SLC7A10: variants seen among roughly 807,000 people sequenced by gnomAD.
The protein encoded by SLC7A10 is asc-type amino acid transporter 1.
SLC7A10 carries 30 observed loss-of-function variants against 52.7 expected under a neutral mutation model. The observed-to-expected ratio is 0.57, with a 90% CI of 0.43 to 0.77. The LOEUF is 0.77. Among genes scored for constraint, SLC7A10 ranks in the 30% least tolerant of loss-of-function variants. SLC7A10 has a pLI of 0.00. For missense variants in SLC7A10, 581 were observed against 698.5 expected (o/e 0.83, Z 1.90); for synonymous variants, 318 against 314.9 (o/e 1.01, Z -0.10).
intron 7 of SLC7A10, 116 bp downstream of exon 7, chr19:33,211,109 G>C: frequency 9.2e-7 from 1 of 1,092,232 alleles, no homozygotes. Flanking sequence ...CATCATCCCA[G>C]CTTCAGGCAG....
In SLC7A10 at chr19:33,210,827, G is replaced by T. The variant is rs1306652828; in HGVS notation, c.1088C>A (p.Thr363Asn). The T allele has an allele frequency of 2.5e-6, 4 of 1,613,484 alleles. No individual in the cohort carries two copies. Among genetic ancestry groups the T allele is most frequent in the African/African-American group, 2.7e-5 (2 of 74,938 alleles). Residue 363 changes from threonine (T) to asparagine (N), a missense_variant, in exon 8 of 11, where the codon ACC becomes AAC. Coordinates refer to ENST00000253188, the MANE Select transcript of SLC7A10 (RefSeq NM_019849.3). The surrounding 1 kb of genome is among the most constrained non-coding windows in gnomAD (Gnocchi z 5.6). ...ACAGACGAGGAGGGCGGGGATGGGG[G>T]TGCAGTGTCTGACGTGGATCATGGC... The part of the protein sequence containing the change: ...LLAMIHVRHC[T>N]PIPALLVCCG...
chr19:33,215,449 G>C (rs1261486262), intron 2 of SLC7A10, among the ~76,000 whole-genome samples: 1 of 152,030 alleles, frequency 6.6e-6, no homozygotes, highest in African/African-American at 2.4e-5. Flanking sequence ...CAAGGCAGGG[G>C]GTGGGGTTCA....
At chr19:33,214,254 C>T (rs894474245) in intron 2 of SLC7A10, among the ~76,000 whole-genome samples, 1 of 152,152 alleles carries the variant, frequency 6.6e-6, no homozygotes, top group African/African-American at 2.4e-5. Flanking sequence ...TGGCACGTCT[C>T]CCCATCCAAG....
intron 1 of SLC7A10, among the ~76,000 whole-genome samples, chr19:33,218,276 T>C (rs1432312017): frequency 6.6e-6 from 1 of 152,148 alleles, no homozygotes; most frequent in Non-Finnish European, 1.5e-5. Flanking sequence ...GCCCAGTGGC[T>C]GAAGACTCAG....
At chr19:33,217,639 G>T (rs1974717889) in intron 1 of SLC7A10, among the ~76,000 whole-genome samples, 1 of 152,222 alleles carries the variant, frequency 6.6e-6, no homozygotes, top group Non-Finnish European at 1.5e-5. Context: ...GAGAGGACGG[G>T]TCCATCTCCC....
At chr19:33,217,638 G>A (rs1974717800) in intron 1 of SLC7A10, among the ~76,000 whole-genome samples, 1 of 152,218 alleles carries the variant, frequency 6.6e-6, no homozygotes, top group Non-Finnish European at 1.5e-5. Flanking sequence ...TGAGAGGACG[G>A]GTCCATCTCC....
chr19:33,209,902 C>T (rs1007809321), intron 9 of SLC7A10, among the ~76,000 whole-genome samples: 55 of 151,996 alleles, frequency 3.6e-4, no homozygotes, highest in Admixed American at 8.5e-4. Context: ...ATCCTGGCAG[C>T]CTTTGTGACC....
In SLC7A10 at chr19:33,215,829, G is replaced by A. The variant is rs78373322; in HGVS notation, c.296C>T (p.Ala99Val). 1.9e-6 allele frequency: 3 copies of A among 1,586,980 alleles called. No homozygotes were observed. The highest frequency in any genetic ancestry group is 4.6e-5 in the East Asian group (2 of 43,292). ...GSLCYAELGVAIPKSGGDYAY... is the reference protein window; with the variant it reads ...GSLCYAELGVVIPKSGGDYAY... ...GTAGTCCCCGCCAGACTTGGGGATG[G>A]CGACTCCCAGCTCTGCATAGCAGAG... The change falls in exon 2 of 11, where the codon GCC (alanine) becomes GTC (valine). Residue 99 changes from alanine to valine, a missense_variant. By Grantham distance (64) the Ala-to-Val change is moderately conservative (BLOSUM62 0). Coordinates refer to ENST00000253188, the MANE Select transcript of SLC7A10 (RefSeq NM_019849.3).
At position 33,213,949 on chromosome 19, in the gene SLC7A10, G is replaced by C. The variant is rs114083512; in HGVS notation, c.357-947C>G. Among the ~76,000 whole-genome samples, 1,078 of 152,170 alleles carry C rather than the reference G, an allele frequency of 7.1e-3. 11 individuals are homozygous for C. Among genetic ancestry groups the C allele is most frequent in the African/African-American group, 0.025 (1,029 of 41,526 alleles). ...TGGCCAGCCCTCCAGGGAGAGGACTGCCTCATCGGGGACATCAGCCATCTC... is the reference window on the plus strand; with the variant it reads ...TGGCCAGCCCTCCAGGGAGAGGACTCCCTCATCGGGGACATCAGCCATCTC... On this transcript the variant is annotated intron_variant, in intron 2 of 10. Transcript: ENST00000253188.
chr19:33,223,654 C>A (rs556772626), intron 1 of SLC7A10, among the ~76,000 whole-genome samples: 1 of 152,094 alleles, frequency 6.6e-6, no homozygotes, highest in Non-Finnish European at 1.5e-5. Context: ...CAAAGGCTCC[C>A]CGGGCCAGGC....
intron 7 of SLC7A10, 39 bp downstream of exon 7, chr19:33,211,186 C>A: frequency 1.3e-6 from 2 of 1,589,988 alleles, no homozygotes; most frequent in Non-Finnish European, 1.7e-6. Flanking sequence ...TGCACCCCAG[C>A]CTTCCCTCCC....
chr19:33,216,272 C>A (rs943188788), intron 1 of SLC7A10, among the ~76,000 whole-genome samples: 4 of 152,214 alleles, frequency 2.6e-5, no homozygotes, highest in Admixed American at 1.3e-4. Context: ...CCCTCCATTG[C>A]CCCCGTGAGG....
chr19:33,219,325 C>T (rs1974764600), intron 1 of SLC7A10, among the ~76,000 whole-genome samples: 1 of 152,228 alleles, frequency 6.6e-6, no homozygotes, highest in Admixed American at 6.5e-5. Context: ...GAAGAAAGGG[C>T]CATTGTTCCC....
Position 33,212,273 on chromosome 19 carries a change from A to T in SLC7A10, c.788+19T>A, listed in dbSNP as rs747728449. On this transcript the variant is annotated intron_variant, in intron 5 of 10. Coordinates refer to ENST00000253188, the MANE Select transcript of SLC7A10 (RefSeq NM_019849.3). ...AGGGCCTGGCTGCTTCCCAGGGCCC[A>T]GTTGGGGGCCCCACTCACTTTCGGG... 1.0e-5 allele frequency: 16 copies of T among 1,588,296 alleles called. No homozygotes were observed. The highest frequency in any genetic ancestry group is 2.7e-5 in the African/African-American group (2 of 74,318).
intron 1 of SLC7A10, among the ~76,000 whole-genome samples, chr19:33,222,445 TAAATAAAATAAAATAAAATAAATA>T (rs1243695777): frequency 9.3e-5 from 8 of 85,950 alleles, no homozygotes; most frequent in African/African-American, 2.9e-4. Context: ...TAAAATAAAA[TAAATAAAATAAAATAAAATAAATA>T]AAATAAAATA....
intron 1 of SLC7A10, among the ~76,000 whole-genome samples, chr19:33,224,429 C>T (rs961249651): frequency 5.3e-5 from 8 of 152,032 alleles, no homozygotes; most frequent in Non-Finnish European, 1.2e-4. Context: ...GGGCTGTGTT[C>T]AGGGGCAACT....
intron 1 of SLC7A10, among the ~76,000 whole-genome samples, 193 bp from the exon 2 acceptor site, chr19:33,216,166 C>G (rs928201008): frequency 6.6e-6 from 1 of 152,186 alleles, no homozygotes; most frequent in Non-Finnish European, 1.5e-5. Flanking sequence ...CTGGGCTCAT[C>G]ATCTGCCCCT....
chr19:33,214,002 AC>A lies in SLC7A10; in HGVS notation c.357-1001del, dbSNP rs1455690415. Among the ~76,000 whole-genome samples the A allele has an allele frequency of 3.3e-5, 5 of 152,008 alleles. No homozygotes were observed. The East Asian group carries it at 9.7e-4, about 29-fold the overall frequency. ...GATCACCTGCCCCTTGCTCTGCACA[AC>A]CATCCCTGCTGGGCTTCTGGGACAT... On this transcript the variant is annotated intron_variant, in intron 2 of 10. Transcript: ENST00000253188.
intron 1 of SLC7A10, among the ~76,000 whole-genome samples, chr19:33,224,537 G>A (rs1214258497): frequency 6.6e-6 from 1 of 152,022 alleles, no homozygotes; most frequent in African/African-American, 2.4e-5. Flanking sequence ...ATCTCCAGGG[G>A]TCTGAGGGTG....
Sources: allele counts gnomAD v4.1 joint callset (sites outside exome capture counted in the v4.1 genomes callset), GRCh38; gene constraint gnomAD v4.1.1; non-coding constraint Gnocchi (gnomAD v3.1); transcripts MANE v1.5; gene names NCBI Gene and HGNC (gene_info 2026-07-23, HGNC 2026-07-21).